EYS: variants seen among roughly 807,000 people sequenced by gnomAD.
EYS encodes the protein protein eyes shut homolog.
Under a neutral mutation model 282.1 loss-of-function variants are expected in EYS, and 250 were observed. That is an observed-to-expected ratio of 0.89 (90% confidence interval 0.80 to 0.98). The LOEUF is 0.98. Among genes scored for constraint, EYS ranks in the 50% least tolerant of loss-of-function variants. EYS has a pLI of 0.00. For synonymous variants in EYS, 1,355 were observed against 1,282.9 expected (o/e 1.06, Z -1.20); for missense variants, 4,016 against 3,709.0 (o/e 1.08, Z -2.15).
intron 26 of EYS, among the ~76,000 whole-genome samples, chr6:64,446,701 G>A (rs1296844750): frequency 6.6e-6 from 1 of 151,930 alleles, no homozygotes; most frequent in East Asian, 1.9e-4. Context: ...TGAATACTAG[G>A]ATTTTCTATA....
rs568779293 is a variant in EYS at position 64,935,815 on chromosome 6, G to A, written c.2381+9978C>T. ...AGCAAAGAGATTTAGTAATAAAAAT[G>A]TGTTCCACAAAATAAGTACATGAGT... On this transcript the variant is annotated intron_variant, in intron 15 of 42. Transcript: ENST00000503581. Among the ~76,000 whole-genome samples the A allele has an allele frequency of 2.6e-3, 395 of 151,796 alleles. 2 individuals are homozygous for A. The highest frequency in any genetic ancestry group is 4.2e-3 in the Non-Finnish European group (285 of 67,686).
intron 5 of EYS, among the ~76,000 whole-genome samples, chr6:65,465,087 A>G (rs1261102736): frequency 6.6e-6 from 1 of 152,206 alleles, no homozygotes; most frequent in Non-Finnish European, 1.5e-5. Context: ...CGTTAATAAG[A>G]AAAACCTTTT....
At chr6:63,835,364 CACAT>C (rs1421308886) in intron 36 of EYS, among the ~76,000 whole-genome samples, 1 of 151,352 alleles carries the variant, frequency 6.6e-6, no homozygotes, top group African/African-American at 2.4e-5. Context: ...CACACACACA[CACAT>C]ACAATGGAAT....
intron 22 of EYS, among the ~76,000 whole-genome samples, chr6:64,793,447 T>C (rs930101118): frequency 1.3e-5 from 2 of 152,146 alleles, no homozygotes; most frequent in Non-Finnish European, 2.9e-5. Flanking sequence ...TAGTAGGGAA[T>C]GTAAAAACAT....
At chr6:63,963,013 A>G (rs1430417996) in intron 35 of EYS, among the ~76,000 whole-genome samples, 4 of 151,966 alleles carry the variant, frequency 2.6e-5, no homozygotes, top group African/African-American at 9.7e-5. Context: ...GCAAGTGCAA[A>G]AAACCAAACA....
chr6:65,407,225 G>A (rs1468561962), intron 5 of EYS, among the ~76,000 whole-genome samples: 1 of 151,746 alleles, frequency 6.6e-6, no homozygotes, highest in Non-Finnish European at 1.5e-5. Flanking sequence ...AACTAGACTT[G>A]CTTTCTTAAT....
At chr6:64,548,197 C>T (rs184661594) in intron 26 of EYS, among the ~76,000 whole-genome samples, 9 of 152,274 alleles carry the variant, frequency 5.9e-5, no homozygotes, top group Middle Eastern at 3.4e-3. Context: ...GCGAGGGCTG[C>T]GAGGGCTGTC....
Position 65,273,594 on chromosome 6 carries a change from C to A in EYS, c.2023+22269G>T, listed in dbSNP as rs184429470. Among the ~76,000 whole-genome samples the A allele has an allele frequency of 4.7e-4, 71 of 152,262 alleles. No homozygotes were observed. The East Asian group carries it at 0.012, about 25-fold the overall frequency. On this transcript the variant is annotated intron_variant, in intron 12 of 42. Transcript: ENST00000503581. ...TTTGAAGGGGAAAAAAAGAGAAAGA[C>A]AAATTATTTCCCTGGTTTCTTAAGC...
rs1399054866 is a variant in EYS at position 65,002,894 on chromosome 6, T to C, written c.2138-5191A>G. Among the ~76,000 whole-genome samples the C allele has an allele frequency of 1.4e-5, 2 of 140,292 alleles. 1 individual carries two copies. Among genetic ancestry groups the C allele is most frequent in the Non-Finnish European group, 3.2e-5 (2 of 62,856 alleles). The allele number at this position is 140,292 out of a possible 152,430, so 92.0% of individuals were successfully genotyped here. A position where few individuals can be genotyped will look rare whatever the true frequency, so the allele number is the denominator to read the frequency against. On this transcript the variant is annotated intron_variant, in intron 13 of 42. Transcript: ENST00000503581. The stretch of plus-strand genomic sequence containing the variant: ...TCATGGACAATTATCACTTCCCCAA[T>C]CAATATCCTAGTGATTTCCTATGCC...
intron 26 of EYS, among the ~76,000 whole-genome samples, chr6:64,488,746 A>G (rs1429917665): frequency 1.3e-4 from 20 of 151,054 alleles, no homozygotes; most frequent in African/African-American, 4.8e-4. Context: ...ACATGTAGAT[A>G]GCATGCTAAA....
chr6:64,685,010 T>C (rs1214887666), intron 22 of EYS, among the ~76,000 whole-genome samples: 1 of 151,952 alleles, frequency 6.6e-6, no homozygotes, highest in Admixed American at 6.6e-5. Flanking sequence ...AATAGATAAG[T>C]CTCAACTACA....
At chr6:64,823,706 G>C (rs1764966499) in intron 19 of EYS, among the ~76,000 whole-genome samples, 2 of 151,910 alleles carry the variant, frequency 1.3e-5, no homozygotes, top group Admixed American at 6.6e-5. Flanking sequence ...TCACTGGTGA[G>C]TATTCAGAGT....
intron 12 of EYS, among the ~76,000 whole-genome samples, chr6:65,259,290 A>G (rs542249813): frequency 2.0e-5 from 3 of 152,092 alleles, no homozygotes; most frequent in Non-Finnish European, 4.4e-5. Flanking sequence ...TGAAGTTGCA[A>G]TAAACTGAAA....
At chr6:63,933,059 T>A (rs935015880) in intron 35 of EYS, among the ~76,000 whole-genome samples, 9 of 152,134 alleles carry the variant, frequency 5.9e-5, no homozygotes, top group African/African-American at 2.2e-4. Context: ...AGGATACAGA[T>A]GAACAGCCAG....
At chr6:64,614,391 C>A (rs1486207828) in intron 24 of EYS, among the ~76,000 whole-genome samples, 4 of 151,938 alleles carry the variant, frequency 2.6e-5, no homozygotes, top group African/African-American at 9.7e-5. Context: ...ACAAGACACA[C>A]TAAAAGCCAA....
intron 35 of EYS, among the ~76,000 whole-genome samples, chr6:63,914,733 A>T (rs548328): frequency 0.99 from 147,340 of 148,924 alleles, 72,884 homozygotes; most frequent in East Asian, 1. Context: ...AAAAAAAAAA[A>T]GCAAAACAAC....
intron 12 of EYS, among the ~76,000 whole-genome samples, chr6:65,097,290 A>G (rs1389154388): frequency 2.0e-5 from 3 of 150,986 alleles, no homozygotes; most frequent in South Asian, 2.1e-4. Flanking sequence ...CAAAACCACT[A>G]TGAGTAATTA....
At chr6:65,612,565 T>C (rs547202216) in intron 2 of EYS, among the ~76,000 whole-genome samples, 1 of 151,944 alleles carries the variant, frequency 6.6e-6, no homozygotes, top group African/African-American at 2.4e-5. Context: ...AATAATACTT[T>C]ATTTTAAATA....
chr6:64,690,734 A>G (rs115814924), intron 22 of EYS, among the ~76,000 whole-genome samples: 1 of 152,206 alleles, frequency 6.6e-6, no homozygotes, highest in Non-Finnish European at 1.5e-5. Context: ...CAAGGACAGA[A>G]AACCAAACAC....
Sources: gnomAD v4.1 joint callset for allele counts (sites outside exome capture counted in the v4.1 genomes callset) on GRCh38, gnomAD v4.1.1 for gene constraint, MANE v1.5 for transcripts, NCBI Gene and HGNC (gene_info 2026-07-23, HGNC 2026-07-21) for gene names.